The following LARGE1 variants were observed in gnomAD, a reference collection of about 807,000 sequenced individuals.
LARGE1 encodes the protein LARGE xylosyl- and glucuronyltransferase 1, also known as xylosyl- and glucuronyltransferase LARGE1.
A neutral mutation model predicts 87.6 loss-of-function variants in LARGE1; 43 were observed. The ratio of observed to expected loss-of-function variants is 0.49; its 90% CI spans 0.38 to 0.63. The LOEUF is 0.63. LARGE1 is among the 30% of genes least tolerant of loss of function. The probability of loss-of-function intolerance (pLI) is 0.00; values close to 1 mark genes in which losing one functional copy is unlikely to be tolerated. For synonymous variants in LARGE1, 434 were observed against 394.6 expected (o/e 1.10, Z -1.18); for missense variants, 802 against 1,000.2 (o/e 0.80, Z 2.67).
the LARGE1 span, among the ~76,000 whole-genome samples, chr22:33,099,411 G>A: frequency 6.6e-6 from 1 of 152,044 alleles, no homozygotes; most frequent in Non-Finnish European, 1.5e-5. Flanking sequence ...GCGCCACCAA[G>A]CCCGGCTAAT....
At chr22:33,694,374 T>C (rs1603178494) in intron 2 of LARGE1, among the ~76,000 whole-genome samples, 1 of 152,200 alleles carries the variant, frequency 6.6e-6, no homozygotes, top group East Asian at 1.9e-4. Context: ...ATGGTCCCTG[T>C]CACAGTGTCA....
At chr22:33,423,718 A>G (rs2066777474) in intron 7 of LARGE1, among the ~76,000 whole-genome samples, 2 of 151,954 alleles carry the variant, frequency 1.3e-5, no homozygotes, top group Admixed American at 6.6e-5. Flanking sequence ...AGGCAATATA[A>G]TATAGATGTA....
intron 1 of LARGE1, among the ~76,000 whole-genome samples, chr22:33,771,970 G>A (rs1407618970): frequency 6.6e-6 from 1 of 152,080 alleles, no homozygotes; most frequent in Admixed American, 6.6e-5. Flanking sequence ...GCCACTATAC[G>A]AATCGAAGCT....
chr22:33,395,786 T>A (rs181769441), intron 7 of LARGE1, among the ~76,000 whole-genome samples: 22 of 152,342 alleles, frequency 1.4e-4, no homozygotes, highest in Admixed American at 1.2e-3. Flanking sequence ...GTGTATGATG[T>A]AGCATTCTGT....
At chr22:33,286,427 G>A (rs1931549242) in intron 12 of LARGE1, among the ~76,000 whole-genome samples, 1 of 152,148 alleles carries the variant, frequency 6.6e-6, no homozygotes, top group Non-Finnish European at 1.5e-5. Flanking sequence ...GGAATCCCTG[G>A]GGCAGGGGGG....
chr22:33,727,411 C>A (rs1299525781), intron 2 of LARGE1: 1 of 152,130 alleles, frequency 6.6e-6, no homozygotes, highest in African/African-American at 2.4e-5. Context: ...AACCAAGACC[C>A]ATAAAGGTGC....
At chr22:33,258,064 T>A (rs1001607686) in intron 11 of LARGE1, among the ~76,000 whole-genome samples, 58 of 152,170 alleles carry the variant, frequency 3.8e-4, no homozygotes, top group African/African-American at 1.4e-3. Flanking sequence ...AGTCCTGCTC[T>A]GTCCCCCAGG....
chr22:33,338,876 G>A (rs903927850), intron 9 of LARGE1, among the ~76,000 whole-genome samples: 2 of 152,106 alleles, frequency 1.3e-5, no homozygotes, highest in South Asian at 2.1e-4. Context: ...GGCCGGGTGC[G>A]GTGGCTCATG....
Position 33,715,256 on chromosome 22 carries a change from G to A in LARGE1, c.106+46115C>T, listed in dbSNP as rs746251363. Among the ~76,000 whole-genome samples the A allele has an allele frequency of 1.2e-4, 18 of 152,160 alleles. No individual in the cohort carries two copies. In the East Asian group the frequency reaches 1.9e-3, roughly 16 times the overall value. On this transcript the variant is annotated intron_variant, in intron 2 of 14. Coordinates refer to ENST00000397394, the MANE Select transcript of LARGE1 (RefSeq NM_133642.5). Reference sequence around the variant, plus strand: ...GAGTTACCTGCCTATCACCACAGGCGTTTCTCATGTCTTAACATCACTCAT... The same window carrying A: ...GAGTTACCTGCCTATCACCACAGGCATTTCTCATGTCTTAACATCACTCAT...
At chr22:33,921,461 C>T (rs1055036481), upstream of LARGE1, among the ~76,000 whole-genome samples, 2 of 152,034 alleles carry the variant, frequency 1.3e-5, no homozygotes, top group African/African-American at 2.4e-5. This position sits in a 1 kb window ranked among gnomAD's most constrained non-coding sequence, Gnocchi z 4.1. Context: ...CCCCAAATTG[C>T]ACAAAACAGC....
intron 1 of LARGE1, among the ~76,000 whole-genome samples, chr22:33,845,421 G>A (rs1355742810): frequency 6.6e-6 from 1 of 152,114 alleles, no homozygotes; most frequent in African/African-American, 2.4e-5. Context: ...CGATTCTCCT[G>A]CCTAAGCCTC....
intron 1 of LARGE1, among the ~76,000 whole-genome samples, chr22:33,783,941 G>C (rs79493350): frequency 0.015 from 2,235 of 152,246 alleles, 46 homozygotes; most frequent in African/African-American, 0.052. Flanking sequence ...TGTTTAAAAG[G>C]AGCTTCCAAG....
upstream of LARGE1, chr22:33,922,495 C>G (rs1440071784): frequency 3.9e-5 from 6 of 152,232 alleles, no homozygotes; most frequent in South Asian, 8.3e-4. Context: ...AGCGGCTGAC[C>G]GAGCCCAGCA....
chr22:33,469,428 G>A (rs2068741278), intron 6 of LARGE1, among the ~76,000 whole-genome samples: 1 of 143,022 alleles, frequency 7.0e-6, no homozygotes, highest in Admixed American at 6.7e-5. Context: ...CACTAACGCA[G>A]GAACACAAAA....
At chr22:33,751,976 T>G (rs1355944175) in intron 2 of LARGE1, among the ~76,000 whole-genome samples, 2 of 152,144 alleles carry the variant, frequency 1.3e-5, no homozygotes, top group African/African-American at 4.8e-5. Flanking sequence ...GAGATGGGGG[T>G]TCGCCACATT....
intron 1 of LARGE1, among the ~76,000 whole-genome samples, chr22:33,787,194 CT>C (rs1289189650): frequency 6.6e-6 from 1 of 152,062 alleles, no homozygotes; most frequent in Non-Finnish European, 1.5e-5. Flanking sequence ...TAGAAAAGAT[CT>C]TTGAGACTTC....
chr22:33,680,517 T>C (rs1027533638), intron 2 of LARGE1, among the ~76,000 whole-genome samples: 1 of 152,130 alleles, frequency 6.6e-6, no homozygotes, highest in African/African-American at 2.4e-5. Context: ...CAGCCTTTAT[T>C]TTTACAATAA....
At chr22:33,593,256 G>A (rs2078894109) in intron 5 of LARGE1, among the ~76,000 whole-genome samples, 1 of 151,836 alleles carries the variant, frequency 6.6e-6, no homozygotes. Context: ...TTGCCCAGGT[G>A]GGTCTCGAAC....
intron 2 of LARGE1, among the ~76,000 whole-genome samples, chr22:33,663,708 A>C (rs370649283): frequency 6.6e-6 from 1 of 152,144 alleles, no homozygotes; most frequent in East Asian, 1.9e-4. Flanking sequence ...TTGCTGGTGA[A>C]ATCTACTGCA....
Sources: allele counts gnomAD v4.1 joint callset (sites outside exome capture counted in the v4.1 genomes callset), GRCh38; gene constraint gnomAD v4.1.1; non-coding constraint Gnocchi (gnomAD v3.1); transcripts MANE v1.5; gene names NCBI Gene and HGNC (gene_info 2026-07-23, HGNC 2026-07-21).